Variants in TESC observed in about 807,000 individuals in gnomAD.
The protein encoded by TESC is calcineurin B homologous protein 3.
Under a neutral mutation model 31.0 loss-of-function variants are expected in TESC, and 19 were observed. The ratio of observed to expected loss-of-function variants is 0.61; its 90% CI spans 0.43 to 0.90. The LOEUF (loss-of-function observed/expected upper bound fraction) is 0.90, where lower values mean the gene tolerates loss of function less well. Among genes scored for constraint, TESC ranks in the 40% least tolerant of loss-of-function variants. The probability of loss-of-function intolerance (pLI) is 0.00; values close to 1 mark genes in which losing one functional copy is unlikely to be tolerated. For missense variants in TESC, 248 were observed against 303.8 expected, an observed-to-expected ratio of 0.82 and a Z score of 1.36; for synonymous variants, 109 against 114.8, an observed-to-expected ratio of 0.95 and a Z score of 0.32.
intron 1 of TESC, among the ~76,000 whole-genome samples, chr12:117,087,136 T>C (rs1486929620): frequency 6.6e-6 from 1 of 152,216 alleles, no homozygotes; most frequent in Non-Finnish European, 1.5e-5. Flanking sequence ...TTGGATGCCA[T>C]GTGCTGAACT....
chr12:117,079,388 C>T (rs1172719695), intron 1 of TESC, among the ~76,000 whole-genome samples: 3 of 151,976 alleles, frequency 2.0e-5, no homozygotes, highest in Non-Finnish European at 4.4e-5. Context: ...ATGCCAAAAC[C>T]CCATCTCTAC....
rs543309189 is a variant in TESC at position 117,062,364 on chromosome 12, G to A, written c.129-5478C>T. Among the ~76,000 whole-genome samples the A allele has an allele frequency of 5.3e-5, 8 of 152,270 alleles. No individual in the cohort carries two copies. The East Asian group carries it at 1.5e-3, about 29-fold the overall frequency. Reference sequence around the variant, plus strand: ...AGCCACCCGAGTAGCTGGGATTACAGGTACCTGCCACCATGCCCAGCTAAT... The same window carrying A: ...AGCCACCCGAGTAGCTGGGATTACAAGTACCTGCCACCATGCCCAGCTAAT... On this transcript the variant is annotated intron_variant, in intron 2 of 7. Coordinates refer to ENST00000335209, the MANE Select transcript of TESC (RefSeq NM_017899.4).
chr12:117,060,019 G>T (rs1954780141), intron 2 of TESC, among the ~76,000 whole-genome samples: 1 of 152,162 alleles, frequency 6.6e-6, no homozygotes, highest in African/African-American at 2.4e-5. Context: ...ACAAATGCAG[G>T]GAGACAAAGT....
chr12:117,089,969 AATAGGTTTC>A (rs1281454490), intron 1 of TESC, among the ~76,000 whole-genome samples: 7 of 152,214 alleles, frequency 4.6e-5, no homozygotes, highest in Non-Finnish European at 1.0e-4. Context: ...GAAAAGGGAA[AATAGGTTTC>A]TACAAAGAAA....
chr12:117,084,374 T>C (rs527338800), intron 1 of TESC, among the ~76,000 whole-genome samples: 2 of 152,314 alleles, frequency 1.3e-5, no homozygotes, highest in East Asian at 1.9e-4. Context: ...AGTCCCACCC[T>C]GTCGAAGGGG....
intron 1 of TESC, among the ~76,000 whole-genome samples, chr12:117,097,001 T>C (rs1955405059): frequency 6.6e-6 from 1 of 152,260 alleles, no homozygotes; most frequent in African/African-American, 2.4e-5. Context: ...CACCCTGCTA[T>C]GCCTCGTTCA....
chr12:117,053,521 A>T (rs1009748680), intron 3 of TESC, among the ~76,000 whole-genome samples: 2 of 151,378 alleles, frequency 1.3e-5, no homozygotes, highest in Non-Finnish European at 3.0e-5. Flanking sequence ...ACCTTGGGTC[A>T]AGTTTTTTTT....
intron 2 of TESC, among the ~76,000 whole-genome samples, chr12:117,073,930 A>T (rs1428650005): frequency 6.6e-6 from 1 of 152,108 alleles, no homozygotes; most frequent in Non-Finnish European, 1.5e-5. Context: ...AAAAAATACA[A>T]AACAATTAAC....
intron 1 of TESC, among the ~76,000 whole-genome samples, chr12:117,075,897 A>ATATATATATATATATGTGTG (rs1555232356): frequency 4.5e-5 from 3 of 66,394 alleles, no homozygotes; most frequent in Admixed American, 1.4e-4. Flanking sequence ...ATATATATAT[A>ATATATATATATATATGTGTG]TATATATATA....
chr12:117,091,415 T>C lies in TESC; in HGVS notation c.58+7810A>G, dbSNP rs1449892879. ...ATTCTGTTTGTCTTACTGGGCCGTA[T>C]GGCATGTCTGAGAGTTGATTAAATT... is the stretch of plus-strand genomic sequence containing the variant. On this transcript the variant is annotated intron_variant, in intron 1 of 7. Coordinates refer to ENST00000335209, the MANE Select transcript of TESC (RefSeq NM_017899.4). Among the ~76,000 whole-genome samples the C allele has an allele frequency of 3.3e-5, 5 of 152,344 alleles. No individual in the cohort carries two copies. The East Asian group carries it at 9.7e-4, about 29-fold the overall frequency.
At chr12:117,065,167 C>G (rs996928108) in intron 2 of TESC, among the ~76,000 whole-genome samples, 2 of 152,092 alleles carry the variant, frequency 1.3e-5, no homozygotes, top group African/African-American at 4.8e-5. Flanking sequence ...CTCATAGGAC[C>G]CTCCCACATG....
intron 7 of TESC, 115 bp downstream of exon 7, chr12:117,041,832 C>T: frequency 9.4e-7 from 1 of 1,064,438 alleles, no homozygotes; most frequent in Non-Finnish European, 1.3e-6. Context: ...AGATGTTGGT[C>T]ACCCAGGAAG....
chr12:117,056,215 C>T (rs1954722062), intron 3 of TESC, among the ~76,000 whole-genome samples: 2 of 152,128 alleles, frequency 1.3e-5, no homozygotes. Context: ...ACCCACTGTG[C>T]CCTGCTAATT....
At chr12:117,078,600 T>C (rs1438383791) in intron 1 of TESC, among the ~76,000 whole-genome samples, 4 of 152,216 alleles carry the variant, frequency 2.6e-5, no homozygotes, top group Non-Finnish European at 4.4e-5. Context: ...ACAGTGACAG[T>C]TGTGTATTTG....
intron 1 of TESC, among the ~76,000 whole-genome samples, chr12:117,098,190 G>A (rs1955420502): frequency 6.6e-6 from 1 of 152,214 alleles, no homozygotes; most frequent in East Asian, 1.9e-4. Flanking sequence ...TGAAGCAGGT[G>A]CCAGGAGCTA....
intron 2 of TESC, among the ~76,000 whole-genome samples, chr12:117,059,590 C>CA (rs1954774051): frequency 6.6e-6 from 1 of 152,140 alleles, no homozygotes; most frequent in African/African-American, 2.4e-5. Flanking sequence ...GACAGAGTTT[C>CA]ACTCTGTTGC....
At chr12:117,091,824 T>C (rs1955314431) in intron 1 of TESC, among the ~76,000 whole-genome samples, 1 of 152,196 alleles carries the variant, frequency 6.6e-6, no homozygotes, top group South Asian at 2.1e-4. Flanking sequence ...CCTTGCCGAC[T>C]TGGTAAACAA....
In TESC at chr12:117,075,318, C is replaced by G; in HGVS notation, c.81G>C (p.Gln27His). The change falls in exon 2 of 8, where the codon CAG (glutamine) becomes CAC (histidine). Residue 27 changes from glutamine (Q) to histidine (H), a missense_variant. Coordinates refer to ENST00000335209, the MANE Select transcript of TESC (RefSeq NM_017899.4). The part of the protein sequence containing the change: ...KTGFSSDQIE[Q>H]LHRRFKQLSG... ...TCAGCTGCTTAAATCTCCGATGGAG[C>G]TGCTCGATCTGATCCGATGAGACTG... 1 of 1,611,182 alleles carries G rather than the reference C, an allele frequency of 6.2e-7. No individual in the cohort carries two copies. The highest frequency in any genetic ancestry group is 8.5e-7 in the Non-Finnish European group (1 of 1,179,862).
chr12:117,040,788 C>T (rs995913306), intron 7 of TESC, among the ~76,000 whole-genome samples: 1 of 152,200 alleles, frequency 6.6e-6, no homozygotes, highest in Non-Finnish European at 1.5e-5. Flanking sequence ...TGCCTCTCCT[C>T]TCTCCTGCCG....
Sources: allele counts gnomAD v4.1 joint callset (sites outside exome capture counted in the v4.1 genomes callset), GRCh38; gene constraint gnomAD v4.1.1; transcripts MANE v1.5; gene names NCBI Gene and HGNC (gene_info 2026-07-23, HGNC 2026-07-21).